Variants in TBCD observed in about 807,000 individuals in gnomAD.
The protein encoded by TBCD is tubulin-specific chaperone D.
Under a neutral mutation model 169.3 loss-of-function variants are expected in TBCD, and 105 were observed. The ratio of observed to expected loss-of-function variants is 0.62; its 90% CI spans 0.53 to 0.73. TBCD has a LOEUF of 0.73. TBCD is among the 30% of genes least tolerant of loss of function. TBCD has a pLI of 0.00. For missense variants in TBCD, 1,444 were observed against 1,600.1 expected (o/e 0.90, Z 1.66); for synonymous variants, 700 against 643.9 (o/e 1.09, Z -1.32).
chr17:82,840,953 G>GTTTTTTTTTTTTTTTTTTTTTTTTTTTT lies in TBCD; in HGVS notation c.1318+26019_1318+26020insTTTTTTTTTTTTTTTTTTTTTTTTTTTT, dbSNP rs755302623. Among the ~76,000 whole-genome samples the GTTTTTTTTTTTTTTTTTTTTTTTTTTTT allele has an allele frequency of 5.7e-5, 4 of 70,554 alleles. 2 individuals carry two copies. The highest frequency in any genetic ancestry group is 1.1e-4 in the African/African-American group (2 of 17,982). The allele number at this position is 70,554 out of a possible 152,430, so 46.3% of individuals were successfully genotyped here. A position where few individuals can be genotyped will look rare whatever the true frequency, so the allele number is the denominator to read the frequency against. On this transcript the variant is annotated intron_variant, in intron 13 of 38. Coordinates refer to ENST00000355528, the MANE Select transcript of TBCD (RefSeq NM_005993.5). ...ACGAGCTGGCCAGGACAGACAAACT[G>GTTTTTTTTTTTTTTTTTTTTTTTTTTTT]GTTTTTTTTTTTTTTTTTTTTTTTT...
chr17:82,771,778 C>T (rs2048323495), intron 5 of TBCD, among the ~76,000 whole-genome samples: 1 of 152,022 alleles, frequency 6.6e-6, no homozygotes, highest in African/African-American at 2.4e-5. Context: ...GAGACCCGGT[C>T]TCAAAACAAC....
At chr17:82,860,808 C>CG (rs1267140451) in intron 13 of TBCD, among the ~76,000 whole-genome samples, 2 of 152,166 alleles carry the variant, frequency 1.3e-5, no homozygotes, top group African/African-American at 4.8e-5. Flanking sequence ...TTGTCCCGAG[C>CG]GGAGGGTCTC....
chr17:82,917,139 C>CCTCCTGAG (rs1434629140), intron 23 of TBCD, among the ~76,000 whole-genome samples: 1 of 149,860 alleles, frequency 6.7e-6, no homozygotes, highest in East Asian at 2.0e-4. Context: ...CCTGCTTCAG[C>CCTCCTGAG]CTCCTGAGTA....
In TBCD at chr17:82,924,192, G is replaced by A. The variant is rs575174503; in HGVS notation, c.2260+459G>A. On this transcript the variant is annotated intron_variant, in intron 26 of 38. Coordinates refer to ENST00000355528, the MANE Select transcript of TBCD (RefSeq NM_005993.5). ...TGGAATCGAACTCCTGACCTCAGGT[G>A]ATCCACCTGCCTCAGCCTCCCAAAG... 8.1e-4 allele frequency among the ~76,000 whole-genome samples: 124 copies of A among 152,304 alleles called. 1 individual carries two copies. The Middle Eastern group carries it at 0.01, about 13-fold the overall frequency.
At chr17:82,795,505 A>C in intron 7 of TBCD, 4 of 984,528 alleles carry the variant, frequency 4.1e-6, no homozygotes, top group Non-Finnish European at 4.8e-6. Context: ...GTTGTTGAGC[A>C]CTTCACTGTT....
intron 7 of TBCD, among the ~76,000 whole-genome samples, chr17:82,793,778 A>G (rs1276268954): frequency 1.3e-5 from 2 of 152,008 alleles, no homozygotes; most frequent in Non-Finnish European, 2.9e-5. Flanking sequence ...GGCTTTGAAC[A>G]TGGCTGCCCT....
chr17:82,876,924 G>A (rs2058019251), intron 14 of TBCD: 1 of 984,536 alleles, frequency 1.0e-6, no homozygotes, highest in Non-Finnish European at 1.2e-6. Context: ...CGGTCTGACT[G>A]CCTGAGCGGA....
At chr17:82,779,864 G>T (rs367644836) in intron 6 of TBCD, among the ~76,000 whole-genome samples, 1 of 152,146 alleles carries the variant, frequency 6.6e-6, no homozygotes, top group Non-Finnish European at 1.5e-5. Context: ...TCTCGTGGGC[G>T]TCGCGTGGGG....
At chr17:82,820,837 G>C (rs975390190) in intron 13 of TBCD, among the ~76,000 whole-genome samples, 1 of 146,058 alleles carries the variant, frequency 6.8e-6, no homozygotes, top group African/African-American at 2.5e-5. Flanking sequence ...CAGCTGTTGA[G>C]TCCTCTTGTT....
chr17:82,907,783 G>T lies in TBCD; in HGVS notation c.1945G>T (p.Glu649Ter). ...ENRPVTDHLD[E>*]QAVQGLKQIH... is the part of the protein sequence containing the mutation. ...CAGGCCCGTCACGGACCATCTGGAC[G>T]AGCAGGCAGTGCAGGGCCTGAAGCA... Residue 649 changes from glutamate (E) to a stop codon, truncating the protein, a stop_gained, in exon 21 of 39, where the codon GAG becomes TAG. Transcript: ENST00000355528. LOFTEE classifies it high-confidence loss of function. 1 of 1,613,780 alleles carries T rather than the reference G, an allele frequency of 6.2e-7. No individual in the cohort carries two copies.
chr17:82,932,509 T>G, intron 33 of TBCD, 149 bp from the exon 34 acceptor site: 1 of 705,160 alleles, frequency 1.4e-6, no homozygotes. Flanking sequence ...CCACAGTTGT[T>G]TTGTCTTTTC....
rs2059075285 is a variant in TBCD, at chr17:82,890,751, AGAGCCCT to A, written c.1563+1063_1563+1069del. On this transcript the variant is annotated intron_variant, in intron 16 of 38. Transcript: ENST00000355528. This position sits in a 1 kb window ranked among gnomAD's most constrained non-coding sequence, Gnocchi z 5.3. ...GGTGCCGTGGGGCCTGCATGTGTTC[AGAGCCCT>A]GAGCCCTGGTCGGAGCCAGTTCACT... Among the ~76,000 whole-genome samples, 1 of 152,180 alleles carries A rather than the reference AGAGCCCT, an allele frequency of 6.6e-6. No individual in the cohort carries two copies.
chr17:82,929,537 C>T, intron 32 of TBCD, 37 bp downstream of exon 32: 1 of 1,599,474 alleles, frequency 6.3e-7, no homozygotes, highest in Non-Finnish European at 8.5e-7. Flanking sequence ...CAGGAGGTGG[C>T]TCCAGGAGTG....
Position 82,898,460 on chromosome 17 carries a change from C to T in TBCD, c.1650-2191C>T, listed in dbSNP as rs115119960. 8.3e-3 allele frequency among the ~76,000 whole-genome samples: 1,268 copies of T among 152,022 alleles called. 18 individuals are homozygous for T. The highest frequency in any genetic ancestry group is 0.029 in the African/African-American group (1,195 of 41,544). On this transcript the variant is annotated intron_variant, in intron 17 of 38. Transcript: ENST00000355528. Reference sequence around the variant, plus strand: ...CCGTTGGACAGCTGAGCAGAGGCTTCGTTTTCTTTTCCTATGTGCAGGAGG... The same window carrying T: ...CCGTTGGACAGCTGAGCAGAGGCTTTGTTTTCTTTTCCTATGTGCAGGAGG...
chr17:82,795,623 C>T, intron 7 of TBCD: 1 of 985,136 alleles, frequency 1.0e-6, no homozygotes, highest in Non-Finnish European at 1.2e-6. Context: ...CAGCCGCTCG[C>T]AGGTTCATTT....
In TBCD at chr17:82,937,962, C is replaced by G. The variant is rs753414536; in HGVS notation, c.3282-87C>G. 5 of 1,572,846 alleles carry G rather than the reference C, an allele frequency of 3.2e-6. No individual in the cohort carries two copies. The East Asian group carries it at 1.2e-4, about 37-fold the overall frequency. On this transcript the variant is annotated intron_variant, in intron 35 of 38. Transcript: ENST00000355528. Reference sequence around the variant, plus strand: ...GCTCACGGATCTGCTCTGCCCAGGTCTCTGCATGGGCCTTTGGGTCCGGGG... The same window carrying G: ...GCTCACGGATCTGCTCTGCCCAGGTGTCTGCATGGGCCTTTGGGTCCGGGG...
chr17:82,824,336 C>T (rs535095777), intron 13 of TBCD, among the ~76,000 whole-genome samples: 124 of 152,004 alleles, frequency 8.2e-4, no homozygotes, highest in Non-Finnish European at 1.5e-3. Flanking sequence ...CGCCCGCCAC[C>T]ATGCCCGGCT....
In TBCD at chr17:82,779,726, C is replaced by T. The variant is rs887371760; in HGVS notation, c.639-1863C>T. ...TAGATGGATGTGCTGGAACAAGGGC[C>T]GGGAAGGTGGGATGGCCGGAGTTGA... On this transcript the variant is annotated intron_variant, in intron 6 of 38. Coordinates refer to ENST00000355528, the MANE Select transcript of TBCD (RefSeq NM_005993.5). Among the ~76,000 whole-genome samples, 11 of 152,130 alleles carry T rather than the reference C, an allele frequency of 7.2e-5. No homozygotes were observed. The East Asian group carries it at 7.7e-4, about 11-fold the overall frequency.
Position 82,825,825 on chromosome 17 carries a change from C to T in TBCD, c.1318+10891C>T, listed in dbSNP as rs566815436. 7.2e-5 allele frequency among the ~76,000 whole-genome samples: 11 copies of T among 152,306 alleles called. No individual in the cohort carries two copies. The South Asian group carries it at 1.4e-3, about 20-fold the overall frequency. On this transcript the variant is annotated intron_variant, in intron 13 of 38. Transcript: ENST00000355528. Reference sequence around the variant, plus strand: ...TCGTTAAAAAATTTACAGGGCTGGGCGCCATGTCTCACATCTGTACTCCCA... The same window carrying T: ...TCGTTAAAAAATTTACAGGGCTGGGTGCCATGTCTCACATCTGTACTCCCA...
Sources: allele counts gnomAD v4.1 joint callset (sites outside exome capture counted in the v4.1 genomes callset), GRCh38; gene constraint gnomAD v4.1.1; non-coding constraint Gnocchi (gnomAD v3.1); transcripts MANE v1.5; gene names NCBI Gene and HGNC (gene_info 2026-07-23, HGNC 2026-07-21).